SMARCAL1: variants seen among roughly 807,000 people sequenced by gnomAD.
SMARCAL1 encodes ATP-driven annealing helicase.
In SMARCAL1, 58 loss-of-function variants were observed where a neutral mutation model predicts 94.5. That is an observed-to-expected ratio of 0.61 (90% CI 0.50 to 0.76). The LOEUF (loss-of-function observed/expected upper bound fraction) is 0.76. Among genes scored for constraint, SMARCAL1 ranks in the 30% least tolerant of loss-of-function variants. The probability of loss-of-function intolerance (pLI) is 0.00; values close to 1 mark genes in which losing one functional copy is unlikely to be tolerated. For missense variants in SMARCAL1, 1,051 were observed against 1,177.9 expected, an observed-to-expected ratio of 0.89 and a Z score of 1.58; for synonymous variants, 422 against 455.1, an observed-to-expected ratio of 0.93 and a Z score of 0.93.
At chr2:216,447,260 A>G in intron 11 of SMARCAL1, 102 bp downstream of exon 11, 2 of 1,378,142 alleles carry the variant, frequency 1.5e-6, no homozygotes, top group South Asian at 2.3e-5. Context: ...TCAGAAGAGC[A>G]CTGGCCAGGG....
intron 12 of SMARCAL1, among the ~76,000 whole-genome samples, chr2:216,462,963 A>G (rs1347551082): frequency 3.3e-5 from 5 of 152,196 alleles, no homozygotes; most frequent in African/African-American, 1.2e-4. Flanking sequence ...CCTGGGTGAC[A>G]GAGCATGACC....
chr2:216,483,034 T>TA lies in SMARCAL1; in HGVS notation c.*59dup. ...TTAAAATCATGGAATTGAAATAAAA[T>TA]AATGTATTTTGTTTTAAAACTTTTT... On this transcript the variant is annotated 3_prime_UTR_variant, in exon 18 of 18. Transcript: ENST00000357276. 6.3e-7 allele frequency: 1 copy of TA among 1,599,222 alleles called. No individual in the cohort carries two copies. The highest frequency in any genetic ancestry group is 8.5e-7 in the Non-Finnish European group (1 of 1,172,500).
rs146658939 is a variant in SMARCAL1 at position 216,415,430 on chromosome 2, A to T, written c.726A>T (p.Val242=). 1.9e-6 allele frequency: 3 copies of T among 1,614,152 alleles called. No individual in the cohort carries two copies. In the African/African-American group the frequency reaches 4.0e-5, roughly 22 times the overall value. Residue 242 remains valine, a synonymous_variant, in exon 3 of 18, where the codon GTA becomes GTT. Transcript: ENST00000357276. ...TGAACTCTCAGAAGGGAAAGTGCGT[A>T]AGGAACGGCGATCGTTTCCAGGTGT... ...KGVNSQKGKC[V]RNGDRFQVLI...
chr2:216,477,240 G>A, intron 16 of SMARCAL1, 31 bp downstream of exon 16: 1 of 1,481,836 alleles, frequency 6.7e-7, no homozygotes, highest in Non-Finnish European at 9.3e-7. Flanking sequence ...CTGGCAGTTG[G>A]AGTCGAGCAA....
rs1383868801 is a variant in SMARCAL1, at chr2:216,434,951, C to T, written c.1486-387C>T. On this transcript the variant is annotated intron_variant, in intron 8 of 17. Coordinates refer to ENST00000357276, the MANE Select transcript of SMARCAL1 (RefSeq NM_014140.4). Reference sequence around the variant, plus strand: ...TCGTCTCACCACAACCTCCACTTCCCGGGTTCAAGCGATTCTCCTGCCTCA... The same window carrying T: ...TCGTCTCACCACAACCTCCACTTCCTGGGTTCAAGCGATTCTCCTGCCTCA... Among the ~76,000 whole-genome samples, 5 of 151,502 alleles carry T rather than the reference C, an allele frequency of 3.3e-5. No homozygotes were observed. In the South Asian group the frequency reaches 8.4e-4, roughly 25 times the overall value.
chr2:216,444,189 T>A (rs1204692534), intron 10 of SMARCAL1, among the ~76,000 whole-genome samples: 1 of 152,236 alleles, frequency 6.6e-6, no homozygotes, highest in Non-Finnish European at 1.5e-5. Flanking sequence ...TTCTCTTTGA[T>A]ATTACCTGCC....
intron 12 of SMARCAL1, among the ~76,000 whole-genome samples, chr2:216,451,897 A>G (rs1041504065): frequency 2.0e-5 from 3 of 152,220 alleles, no homozygotes; most frequent in African/African-American, 7.2e-5. Flanking sequence ...TGGGCTTGAT[A>G]TTACCCTGTA....
intron 12 of SMARCAL1, among the ~76,000 whole-genome samples, chr2:216,452,348 T>G (rs1253488484): frequency 2.6e-5 from 4 of 152,168 alleles, no homozygotes; most frequent in Non-Finnish European, 5.9e-5. Context: ...TTCTTATAAC[T>G]TTTTCTTAAT....
At chr2:216,440,459 CAA>C (rs1694173913) in intron 10 of SMARCAL1, among the ~76,000 whole-genome samples, 1 of 152,180 alleles carries the variant, frequency 6.6e-6, no homozygotes, top group Non-Finnish European at 1.5e-5. Flanking sequence ...GAGTGTGTTT[CAA>C]AGTGACATGT....
intron 5 of SMARCAL1, among the ~76,000 whole-genome samples, 180 bp from the exon 6 acceptor site, chr2:216,423,453 G>T (rs549201924): frequency 4.6e-5 from 7 of 152,288 alleles, no homozygotes; most frequent in Admixed American, 3.3e-4. Flanking sequence ...AGTATACTGG[G>T]GAAGCCTCCA....
rs761663580 is a variant in SMARCAL1, at chr2:216,420,395, C to T, written c.959C>T (p.Ala320Val). ...ESPSTSSEGQ[A>V]GLPSAPSLSF... ...CCCTCCACCAGCAGTGAGGGACAGG[C>T]CGGCCTTCCATCAGCTCCATCCCTT... The change falls in exon 5 of 18, where the codon GCC (alanine) becomes GTC (valine). Residue 320 changes from alanine to valine, a missense_variant. By Grantham distance (64) the Ala-to-Val change is moderately conservative. This residue lies in a region of SMARCAL1 where 398 missense variants were observed against 395.2 expected (regional missense o/e 1.01). Coordinates refer to ENST00000357276, the MANE Select transcript of SMARCAL1 (RefSeq NM_014140.4). 2.4e-5 allele frequency: 38 copies of T among 1,614,082 alleles called. No individual in the cohort carries two copies. Among genetic ancestry groups the T allele is most frequent in the Non-Finnish European group, 3.2e-5 (38 of 1,180,030 alleles).
chr2:216,459,253 T>C (rs1208464786), intron 12 of SMARCAL1, among the ~76,000 whole-genome samples: 2 of 152,140 alleles, frequency 1.3e-5, no homozygotes, highest in Non-Finnish European at 2.9e-5. Flanking sequence ...AAAATGGCCA[T>C]ACTGCCCAGG....
chr2:216,472,080 C>G (rs887090406), intron 14 of SMARCAL1, among the ~76,000 whole-genome samples: 1 of 152,148 alleles, frequency 6.6e-6, no homozygotes, highest in Non-Finnish European at 1.5e-5. Flanking sequence ...GTTGTCCAGG[C>G]GCAGTGGCTC....
At chr2:216,464,539 A>T in intron 12 of SMARCAL1, 58 bp from the exon 13 acceptor site, 2 of 1,236,472 alleles carry the variant, frequency 1.6e-6, no homozygotes, top group Admixed American at 3.4e-5. Flanking sequence ...AATTAGATCC[A>T]CTCATCCCAG....
chr2:216,465,644 A>C (rs1013230644), intron 13 of SMARCAL1, among the ~76,000 whole-genome samples: 1 of 151,976 alleles, frequency 6.6e-6, no homozygotes, highest in Admixed American at 6.6e-5. Flanking sequence ...TTTAAATATC[A>C]CTGGGGTAGA....
At chr2:216,463,619 C>G (rs564044253) in intron 12 of SMARCAL1, among the ~76,000 whole-genome samples, 1 of 152,282 alleles carries the variant, frequency 6.6e-6, no homozygotes, top group Non-Finnish European at 1.5e-5. Context: ...TTGAGCATCT[C>G]CTGTGTTAGC....
At chr2:216,430,048 C>T (rs1273950677) in intron 7 of SMARCAL1, among the ~76,000 whole-genome samples, 1 of 152,140 alleles carries the variant, frequency 6.6e-6, no homozygotes, top group African/African-American at 2.4e-5. Context: ...CCAAGTTCTT[C>T]GTGGCACTGT....
At chr2:216,467,281 G>C (rs1049465545) in intron 13 of SMARCAL1, among the ~76,000 whole-genome samples, 1 of 152,062 alleles carries the variant, frequency 6.6e-6, no homozygotes, top group Non-Finnish European at 1.5e-5. Context: ...GACCAGCCTG[G>C]CCAACATGGT....
At chr2:216,469,758 G>C (rs1051590022) in intron 14 of SMARCAL1, among the ~76,000 whole-genome samples, 1 of 152,090 alleles carries the variant, frequency 6.6e-6, no homozygotes, top group Non-Finnish European at 1.5e-5. Flanking sequence ...GCATGCTCTT[G>C]CATGGTTATT....
Sources: gnomAD v4.1 joint callset for allele counts (sites outside exome capture counted in the v4.1 genomes callset) on GRCh38, gnomAD v4.1.1 for gene constraint, gnomAD v4.1.1 regional missense constraint, MANE v1.5 for transcripts, NCBI Gene and HGNC (gene_info 2026-07-23, HGNC 2026-07-21) for gene names.